Variants in PTBP3 observed in about 807,000 individuals in gnomAD.
The protein encoded by PTBP3 is polypyrimidine tract-binding protein 3.
In PTBP3, 20 loss-of-function variants were observed where a neutral mutation model predicts 58.7. The observed-to-expected ratio is 0.34, with a 90% CI of 0.24 to 0.50. The LOEUF is 0.50. Ranked by LOEUF, PTBP3 falls within the 20% of genes least tolerant of loss-of-function variation. The probability of loss-of-function intolerance (pLI) is 0.98; values close to 1 mark genes in which losing one functional copy is unlikely to be tolerated. For missense variants in PTBP3, 509 were observed against 637.2 expected (o/e 0.80, Z 2.17); for synonymous variants, 185 against 219.8 (o/e 0.84, Z 1.40).
At chr9:112,237,129 T>C (rs1835467295) in intron 7 of PTBP3, among the ~76,000 whole-genome samples, 1 of 152,172 alleles carries the variant, frequency 6.6e-6, no homozygotes, top group Admixed American at 6.6e-5. Flanking sequence ...ATAAAAGGAC[T>C]GGCAAACAAT....
chr9:112,277,735 G>C (rs934430055), intron 2 of PTBP3, among the ~76,000 whole-genome samples: 1 of 151,954 alleles, frequency 6.6e-6, no homozygotes, highest in African/African-American at 2.4e-5. Flanking sequence ...AAATTAGCAG[G>C]ATGTGCTGGC....
At chr9:112,375,635 C>A in the PTBP3 span, among the ~76,000 whole-genome samples, 1 of 152,168 alleles carries the variant, frequency 6.6e-6, no homozygotes, top group Non-Finnish European at 1.5e-5. Context: ...CGAGCGGAGA[C>A]CATGAGCATT....
chr9:112,318,233 TAC>T (rs993753770), intron 1 of PTBP3, among the ~76,000 whole-genome samples: 9 of 152,072 alleles, frequency 5.9e-5, no homozygotes, highest in Admixed American at 1.3e-4. Context: ...AGAATAAAAC[TAC>T]ATTCTCAGAT....
At chr9:112,244,254 C>T (rs942222438) in intron 7 of PTBP3, among the ~76,000 whole-genome samples, 5 of 112,614 alleles carry the variant, frequency 4.4e-5, no homozygotes, top group African/African-American at 1.7e-4. Flanking sequence ...CATGACACTG[C>T]ACTCCAGCCT....
At chr9:112,368,912 T>C in the PTBP3 span, among the ~76,000 whole-genome samples, 1 of 152,216 alleles carries the variant, frequency 6.6e-6, no homozygotes, top group Non-Finnish European at 1.5e-5. Flanking sequence ...CCTTGCTGCT[T>C]GGTGCCCTGT....
chr9:112,325,895 G>A (rs752479440), intron 1 of PTBP3, among the ~76,000 whole-genome samples: 9 of 152,140 alleles, frequency 5.9e-5, no homozygotes, highest in Non-Finnish European at 1.2e-4. Context: ...GAGCGCACCT[G>A]TAGTACCAGC....
chr9:112,351,072 A>AC, the PTBP3 span, among the ~76,000 whole-genome samples: 1 of 152,228 alleles, frequency 6.6e-6, no homozygotes, highest in Admixed American at 6.5e-5. Context: ...GGCATGAGCC[A>AC]CCGTGCCTGG....
At chr9:112,251,813 T>C (rs1018165615) in intron 6 of PTBP3, among the ~76,000 whole-genome samples, 6 of 152,044 alleles carry the variant, frequency 3.9e-5, no homozygotes, top group African/African-American at 1.4e-4. Context: ...TATATATATA[T>C]CCTGATTTAT....
At chr9:112,290,699 TATATATATAC>T (rs1232820963) in intron 2 of PTBP3, among the ~76,000 whole-genome samples, 67 of 64,600 alleles carry the variant, frequency 1.0e-3, no homozygotes, top group African/African-American at 6.0e-3. Context: ...TATATATATA[TATATATATAC>T]ACACACACAC....
intron 2 of PTBP3, among the ~76,000 whole-genome samples, chr9:112,280,785 GCA>G (rs750671525): frequency 0.11 from 954 of 8,828 alleles, 11 homozygotes; most frequent in African/African-American, 0.38. Context: ...GTGTGTGTGT[GCA>G]TATATATATA....
At chr9:112,323,361 AGAG>A (rs1425119043) in intron 1 of PTBP3, among the ~76,000 whole-genome samples, 1 of 152,206 alleles carries the variant, frequency 6.6e-6, no homozygotes, top group East Asian at 1.9e-4. Context: ...TCCCCCAGCT[AGAG>A]GAGACAGGTT....
chr9:112,290,068 T>A (rs942234612), intron 2 of PTBP3, among the ~76,000 whole-genome samples: 5 of 152,178 alleles, frequency 3.3e-5, no homozygotes, highest in Non-Finnish European at 4.4e-5. Flanking sequence ...AAACATGAAG[T>A]ATTCTACATG....
intron 12 of PTBP3, among the ~76,000 whole-genome samples, chr9:112,227,123 T>C (rs996192485): frequency 6.6e-6 from 1 of 152,250 alleles, no homozygotes; most frequent in African/African-American, 2.4e-5. Context: ...TACGTGCCAA[T>C]GGAATACTTC....
Position 112,333,606 on chromosome 9 carries a change from G to A in PTBP3, c.-188C>T. On this transcript the variant is annotated 5_prime_UTR_variant, in exon 1 of 14. Coordinates refer to ENST00000374257, the MANE Select transcript of PTBP3 (RefSeq NM_001163788.4). ...CTCTGCGGAGCCCCGGCCGGTCCGA[G>A]GTGGAAGGAGAGTGGGAACAGGGGC... 1 of 1,139,328 alleles carries A rather than the reference G, an allele frequency of 8.8e-7. No individual in the cohort carries two copies. The highest frequency in any genetic ancestry group is 1.3e-6 in the Non-Finnish European group (1 of 791,502). 70.6% of individuals were successfully genotyped at this position (1,139,328 alleles called of 1,614,324 possible).
At chr9:112,349,939 ATTGT>A in the PTBP3 span, among the ~76,000 whole-genome samples, 8 of 148,492 alleles carry the variant, frequency 5.4e-5, no homozygotes, top group African/African-American at 1.7e-4. Flanking sequence ...CTGTTGGAGA[ATTGT>A]TTGTCTGTGG....
At chr9:112,318,965 T>C (rs1829812910) in intron 1 of PTBP3, among the ~76,000 whole-genome samples, 1 of 150,542 alleles carries the variant, frequency 6.6e-6, no homozygotes, top group Non-Finnish European at 1.5e-5. Flanking sequence ...CCGTCTCTAC[T>C]AAAAATACAA....
chr9:112,227,927 T>C (rs993337956), intron 11 of PTBP3, among the ~76,000 whole-genome samples: 1 of 152,218 alleles, frequency 6.6e-6, no homozygotes, highest in Non-Finnish European at 1.5e-5. Context: ...ATATTAGTTT[T>C]ATCTCAAGCA....
At chr9:112,356,219 T>C in the PTBP3 span, among the ~76,000 whole-genome samples, 4 of 152,056 alleles carry the variant, frequency 2.6e-5, no homozygotes, top group African/African-American at 9.7e-5. Context: ...CCTCAGGTGA[T>C]CCACCCGCCT....
At chr9:112,247,552 CAAA>C (rs55882131) in intron 7 of PTBP3, among the ~76,000 whole-genome samples, 2 of 138,050 alleles carry the variant, frequency 1.4e-5, no homozygotes, top group African/African-American at 2.6e-5. Flanking sequence ...AAAAAAATGA[CAAA>C]AAAAAAAAAA....
Sources: allele counts gnomAD v4.1 joint callset (sites outside exome capture counted in the v4.1 genomes callset), GRCh38; gene constraint gnomAD v4.1.1; transcripts MANE v1.5; gene names NCBI Gene and HGNC (gene_info 2026-07-23, HGNC 2026-07-21).